Variants in STIM1 observed in about 807,000 individuals in gnomAD.
The protein encoded by STIM1 is stromal interaction molecule 1.
In STIM1, 25 loss-of-function variants were observed where a neutral mutation model predicts 74.7. That is an observed-to-expected ratio of 0.33 (90% CI 0.24 to 0.47). The LOEUF (loss-of-function observed/expected upper bound fraction) is 0.47. Among genes scored for constraint, STIM1 ranks in the 20% least tolerant of loss-of-function variants. The pLI is 1.00. For missense variants in STIM1, 728 were observed against 920.8 expected (o/e 0.79, Z 2.71); for synonymous variants, 328 against 348.8 (o/e 0.94, Z 0.66).
chr11:4,084,408 CT>C (rs2094481247), intron 10 of STIM1, among the ~76,000 whole-genome samples: 1 of 152,142 alleles, frequency 6.6e-6, no homozygotes, highest in African/African-American at 2.4e-5. Context: ...TACTTTGCCC[CT>C]GGCCAAGCCT....
chr11:3,945,574 G>T (rs2093062608), intron 1 of STIM1, among the ~76,000 whole-genome samples: 1 of 152,096 alleles, frequency 6.6e-6, no homozygotes, highest in South Asian at 2.1e-4. Context: ...ACTCCAGCCT[G>T]GGCGACACAG....
In STIM1 at chr11:3,941,696, A is replaced by AGAGAGTGT. The variant is rs1214690521; in HGVS notation, c.140-25855_140-25854insAGAGTGTG. 1.2e-4 allele frequency among the ~76,000 whole-genome samples: 17 copies of AGAGAGTGT among 141,870 alleles called. No homozygotes were observed. The East Asian group carries it at 3.0e-3, about 25-fold the overall frequency. 93.1% of individuals were successfully genotyped at this position (141,870 alleles called of 152,430 possible). On this transcript the variant is annotated intron_variant, in intron 1 of 12. Transcript: ENST00000526596. The stretch of plus-strand genomic sequence containing the variant: ...TATAGAGAGAGAGAGAGAGAGAGAG[A>AGAGAGTGT]GTGTGTGTGTGTCTCAGTGTCACTG...
At chr11:3,892,556 T>A in intron 1 of STIM1, 2 of 1,601,132 alleles carry the variant, frequency 1.2e-6, no homozygotes, top group Non-Finnish European at 8.6e-7. Context: ...GATGAAAAAC[T>A]GGGAACTGTT....
At chr11:4,050,652 T>C (rs955639469) in intron 3 of STIM1, among the ~76,000 whole-genome samples, 1 of 152,190 alleles carries the variant, frequency 6.6e-6, no homozygotes, top group African/African-American at 2.4e-5. Context: ...GAAAATACAG[T>C]TGAGCCTTAA....
At chr11:4,023,762 G>C (rs1445903888) in intron 2 of STIM1, 111 bp from the exon 3 acceptor site, 1 of 755,368 alleles carries the variant, frequency 1.3e-6, no homozygotes, top group East Asian at 2.7e-5. Flanking sequence ...ACACTTGTAT[G>C]TTGGGTAGAT....
intron 5 of STIM1, among the ~76,000 whole-genome samples, chr11:4,066,891 A>AC: frequency 6.6e-6 from 1 of 152,124 alleles, no homozygotes; most frequent in Non-Finnish European, 1.5e-5. Context: ...TAAGGCATAG[A>AC]TTAGACTCTT....
At chr11:4,004,411 G>A (rs1018652971) in intron 2 of STIM1, among the ~76,000 whole-genome samples, 80 of 151,500 alleles carry the variant, frequency 5.3e-4, no homozygotes, top group Non-Finnish European at 4.7e-4. Flanking sequence ...GAACAGAACA[G>A]AGCCCTCAGA....
intron 6 of STIM1, among the ~76,000 whole-genome samples, chr11:4,072,475 A>G (rs774437168): frequency 1.3e-5 from 2 of 152,256 alleles, no homozygotes; most frequent in Non-Finnish European, 2.9e-5. Context: ...AAACTTGCTC[A>G]TAGTCACACA....
chr11:3,858,426 T>C (rs1376846842), intron 1 of STIM1, among the ~76,000 whole-genome samples: 2 of 152,140 alleles, frequency 1.3e-5, no homozygotes, highest in Non-Finnish European at 2.9e-5. Context: ...GTCACAATAA[T>C]AGTGAATTCC....
intron 2 of STIM1, among the ~76,000 whole-genome samples, chr11:4,003,721 T>C (rs2093746063): frequency 6.6e-6 from 1 of 152,132 alleles, no homozygotes; most frequent in South Asian, 2.1e-4. Flanking sequence ...CAACATAGTG[T>C]TGGAAGTTCT....
intron 3 of STIM1, among the ~76,000 whole-genome samples, chr11:4,051,397 C>T (rs1362886899): frequency 6.7e-6 from 1 of 149,312 alleles, no homozygotes; most frequent in Non-Finnish European, 1.5e-5. Flanking sequence ...GGCTGGAGTG[C>T]AGTGACGCAA....
chr11:3,893,421 T>A (rs943903104), intron 1 of STIM1, among the ~76,000 whole-genome samples: 1 of 152,210 alleles, frequency 6.6e-6, no homozygotes, highest in African/African-American at 2.4e-5. Context: ...GTGTGAACAC[T>A]AGTTTGCTCA....
intron 1 of STIM1, among the ~76,000 whole-genome samples, chr11:3,866,490 AATCT>A: frequency 2.0e-5 from 3 of 146,868 alleles, no homozygotes; most frequent in Middle Eastern, 7.0e-3. Flanking sequence ...GCAGTGGCGT[AATCT>A]TGGCTCACTG....
intron 1 of STIM1, among the ~76,000 whole-genome samples, chr11:3,887,764 T>C (rs1198956551): frequency 1.3e-5 from 2 of 151,886 alleles, no homozygotes; most frequent in African/African-American, 2.4e-5. Context: ...GTCAGGAGAT[T>C]GAGACCATCC....
At chr11:4,064,270 G>C (rs1220178325) in intron 5 of STIM1, among the ~76,000 whole-genome samples, 3 of 152,188 alleles carry the variant, frequency 2.0e-5, no homozygotes, top group Non-Finnish European at 4.4e-5. Context: ...CTTCTGAAAG[G>C]GGTAGGGACA....
At chr11:4,016,533 C>T (rs376408198) in intron 2 of STIM1, among the ~76,000 whole-genome samples, 7 of 152,244 alleles carry the variant, frequency 4.6e-5, no homozygotes, top group African/African-American at 1.7e-4. Flanking sequence ...GGCAGTCTGT[C>T]CATTATCGGA....
At chr11:3,967,784 T>C (rs2093353643) in intron 2 of STIM1, 102 bp downstream of exon 2, 2 of 1,550,138 alleles carry the variant, frequency 1.3e-6, no homozygotes, top group East Asian at 2.3e-5. Context: ...TGTTCTCTGC[T>C]GGCTTGTTCT....
chr11:3,934,619 ACAATT>A (rs1176174797), intron 1 of STIM1, among the ~76,000 whole-genome samples: 2 of 152,246 alleles, frequency 1.3e-5, no homozygotes, highest in Non-Finnish European at 2.9e-5. Context: ...GTAGAATTGA[ACAATT>A]CAATTCATTA....
At chr11:4,082,439 G>T (rs1010194369) in intron 8 of STIM1, 88 bp downstream of exon 8, 2 of 1,358,106 alleles carry the variant, frequency 1.5e-6, no homozygotes, top group Non-Finnish European at 2.1e-6. Context: ...CCCTCTCCCT[G>T]TTCCTCCCAT....
Sources: gnomAD v4.1 joint callset for allele counts (sites outside exome capture counted in the v4.1 genomes callset) on GRCh38, gnomAD v4.1.1 for gene constraint, MANE v1.5 for transcripts, NCBI Gene and HGNC (gene_info 2026-07-23, HGNC 2026-07-21) for gene names.